SF3B3: variants seen among roughly 807,000 people sequenced by gnomAD.
SF3B3 encodes splicing factor 3b subunit 3, also known as SAP 130.
SF3B3 carries 33 observed loss-of-function variants against 139.2 expected under a neutral mutation model. The ratio of observed to expected loss-of-function variants is 0.24; its 90% CI spans 0.18 to 0.32. SF3B3 has a LOEUF of 0.32. Among genes scored for constraint, SF3B3 ranks in the 10% least tolerant of loss-of-function variants. The pLI is 1.00. For missense variants in SF3B3, 818 were observed against 1,509.4 expected, an observed-to-expected ratio of 0.54 and a Z score of 7.59; for synonymous variants, 596 against 563.6, an observed-to-expected ratio of 1.06 and a Z score of -0.81.
At chr16:70,532,427 A>C in intron 4 of SF3B3, 52 bp from the exon 5 acceptor site, 1 of 1,567,358 alleles carries the variant, frequency 6.4e-7, no homozygotes, top group Non-Finnish European at 8.7e-7. Flanking sequence ...TGTCCTTTCC[A>C]GATCTTCGAT....
intron 3 of SF3B3, among the ~76,000 whole-genome samples, chr16:70,530,421 G>T (rs1281695193): frequency 6.6e-6 from 1 of 151,110 alleles, no homozygotes; most frequent in African/African-American, 2.4e-5. Context: ...TCAGGTTCAA[G>T]CAATTCTCCT....
chr16:70,540,479 A>G (rs1325674906), intron 8 of SF3B3, among the ~76,000 whole-genome samples: 1 of 151,930 alleles, frequency 6.6e-6, no homozygotes, highest in Non-Finnish European at 1.5e-5. Flanking sequence ...TGCATCCTCG[A>G]CCTCCCAGGC....
Position 70,528,909 on chromosome 16 carries a change from A to G in SF3B3, c.107A>G (p.Lys36Arg). 1 of 1,612,434 alleles carries G rather than the reference A, an allele frequency of 6.2e-7. No homozygotes were observed. ...KQQEIVVSRGKILELLRPDPN... is the reference protein window; with the variant it reads ...KQQEIVVSRGRILELLRPDPN... ...CAAGAAATTGTTGTTTCCCGTGGGA[A>G]GATCTTGGAGCTGCTTCGCCCAGAC... The change falls in exon 3 of 26, where the codon AAG (lysine) becomes AGG (arginine). Residue 36 changes from lysine to arginine, a missense_variant. By Grantham distance (26) the Lys-to-Arg change is conservative. Coordinates refer to ENST00000302516, the MANE Select transcript of SF3B3 (RefSeq NM_012426.5).
chr16:70,526,125 C>T (rs2050061283), intron 1 of SF3B3, among the ~76,000 whole-genome samples: 1 of 152,028 alleles, frequency 6.6e-6, no homozygotes, highest in Non-Finnish European at 1.5e-5. Flanking sequence ...ATAATTCTCT[C>T]TTCTCGTTTA....
At position 70,560,605 on chromosome 16, in the gene SF3B3, G is replaced by T; in HGVS notation, c.2133+14G>T. 6.2e-7 allele frequency: 1 copy of T among 1,612,358 alleles called. No homozygotes were observed. Among genetic ancestry groups the T allele is most frequent in the South Asian group, 1.1e-5 (1 of 91,012 alleles). On this transcript the variant is annotated intron_variant, in intron 16 of 25. Coordinates refer to ENST00000302516, the MANE Select transcript of SF3B3 (RefSeq NM_012426.5). ...GGCCAGGAGGCAGTAAGTAATGAAGGTTGGGGACAGGCAACATCTTTGGGA... is the reference window on the plus strand; with the variant it reads ...GGCCAGGAGGCAGTAAGTAATGAAGTTTGGGGACAGGCAACATCTTTGGGA...
intron 15 of SF3B3, among the ~76,000 whole-genome samples, chr16:70,558,203 AT>A (rs1261642871): frequency 6.6e-6 from 1 of 152,192 alleles, no homozygotes; most frequent in Non-Finnish European, 1.5e-5. Context: ...TCCATTAGAA[AT>A]GTAAGGTGAA....
chr16:70,555,773 AT>A (rs906201879), intron 13 of SF3B3, among the ~76,000 whole-genome samples: 3 of 152,166 alleles, frequency 2.0e-5, no homozygotes, highest in African/African-American at 7.2e-5. Context: ...GTGTGGCCAA[AT>A]TTGTAGCCTG....
At chr16:70,534,070 C>G (rs1387865479) in intron 5 of SF3B3, among the ~76,000 whole-genome samples, 1 of 152,070 alleles carries the variant, frequency 6.6e-6, no homozygotes, top group Non-Finnish European at 1.5e-5. Flanking sequence ...GTGCCAAATG[C>G]CATGACAGCA....
chr16:70,537,023 C>G (rs945446419), intron 6 of SF3B3, among the ~76,000 whole-genome samples: 2 of 150,838 alleles, frequency 1.3e-5, no homozygotes, highest in African/African-American at 4.9e-5. Context: ...ATTGGCCAGG[C>G]TGGTATCGAA....
chr16:70,538,245 C>T, intron 6 of SF3B3, 78 bp from the exon 7 acceptor site: 1 of 1,302,734 alleles, frequency 7.7e-7, no homozygotes, highest in Non-Finnish European at 1.1e-6. Flanking sequence ...ATTTGTAATC[C>T]CTATTGGTAA....
intron 9 of SF3B3, 41 bp downstream of exon 9, chr16:70,541,875 G>A: frequency 6.5e-7 from 1 of 1,541,896 alleles, no homozygotes; most frequent in Non-Finnish European, 8.9e-7. Context: ...TAGATCTAAA[G>A]TTAAACTGAG....
chr16:70,537,191 A>G (rs551358694), intron 6 of SF3B3, among the ~76,000 whole-genome samples: 13 of 152,208 alleles, frequency 8.5e-5, no homozygotes, highest in Non-Finnish European at 1.3e-4. Context: ...ATTACTACAT[A>G]GGGAGTGATG....
intron 6 of SF3B3, among the ~76,000 whole-genome samples, chr16:70,536,260 C>T (rs994805322): frequency 1.4e-4 from 22 of 152,050 alleles, no homozygotes; most frequent in African/African-American, 5.1e-4. Context: ...CTCTGCCCCC[C>T]GGGTTCAAGT....
chr16:70,574,640 A>C lies in SF3B3; in HGVS notation c.*2827A>C, dbSNP rs1472657941. On this transcript the variant is annotated 3_prime_UTR_variant, in exon 26 of 26. Transcript: ENST00000302516. ...TTCCCAAATAGCTGGAACTACAGGC[A>C]TGTGCCATCACGTCCAGCTAATTTT... The C allele has an allele frequency of 6.6e-6, 1 of 152,234 alleles. No homozygotes were observed. Among genetic ancestry groups the C allele is most frequent in the Non-Finnish European group, 1.5e-5 (1 of 68,074 alleles). The allele number at this position is 152,234 out of a possible 1,614,324, so 9.4% of individuals were successfully genotyped here. A position where few individuals can be genotyped will look rare whatever the true frequency, so the allele number is the denominator to read the frequency against.
chr16:70,566,139 C>A (rs2050474507), intron 20 of SF3B3, among the ~76,000 whole-genome samples: 1 of 150,860 alleles, frequency 6.6e-6, no homozygotes, highest in African/African-American at 2.4e-5. Context: ...ATTTAATATT[C>A]TTTTCCACCT....
At chr16:70,545,262 T>G (rs951422223) in intron 10 of SF3B3, among the ~76,000 whole-genome samples, 4 of 152,126 alleles carry the variant, frequency 2.6e-5, no homozygotes, top group African/African-American at 4.8e-5. Flanking sequence ...AGACAGAGTC[T>G]TATCATGTTT....
chr16:70,565,395 T>C lies in SF3B3; in HGVS notation c.2697T>C (p.Thr899=). The change falls in exon 20 of 26, where the codon ACT becomes ACC. Residue 899 remains threonine, a synonymous_variant. Coordinates refer to ENST00000302516, the MANE Select transcript of SF3B3 (RefSeq NM_012426.5). ...FSVAVCRFSN[T]GEDWYVLVGV... is the part of the protein sequence containing the mutation. ...TGGCTGTGTGCAGGTTTTCCAACACTGGTGAAGACTGGTATGTGCTGGTGG... is the reference window on the plus strand; with the variant it reads ...TGGCTGTGTGCAGGTTTTCCAACACCGGTGAAGACTGGTATGTGCTGGTGG... The C allele has an allele frequency of 6.2e-7, 1 of 1,614,190 alleles. No homozygotes were observed. Among genetic ancestry groups the C allele is most frequent in the Non-Finnish European group, 8.5e-7 (1 of 1,180,018 alleles).
chr16:70,524,281 T>A (rs1217968103), intron 1 of SF3B3, among the ~76,000 whole-genome samples: 2 of 152,134 alleles, frequency 1.3e-5, no homozygotes, highest in Non-Finnish European at 2.9e-5. Flanking sequence ...ATGGAGCGTG[T>A]TAAAAGCGTA....
In SF3B3 at chr16:70,539,206, C is replaced by G. The variant is rs1396350086; in HGVS notation, c.1066C>G (p.His356Asp). 6.2e-7 allele frequency: 1 copy of G among 1,604,302 alleles called. No homozygotes were observed. Among genetic ancestry groups the G allele is most frequent in the South Asian group, 1.1e-5 (1 of 90,856 alleles). The change falls in exon 8 of 26, where the codon CAT becomes GAT. Residue 356 changes from histidine to aspartate, a missense_variant and splice_region_variant. His to Asp is a moderately conservative substitution (Grantham distance 81). Coordinates refer to ENST00000302516, the MANE Select transcript of SF3B3 (RefSeq NM_012426.5). ...FLFVASEFGN[H>D]YLYQIAHLGD... ...TTTTGTAGCATCAGAATTTGGAAAC[C>G]AGTGAGTAATCCTTCTGTTACCCTA...
Sources: gnomAD v4.1 joint callset for allele counts (sites outside exome capture counted in the v4.1 genomes callset) on GRCh38, gnomAD v4.1.1 for gene constraint, MANE v1.5 for transcripts, NCBI Gene and HGNC (gene_info 2026-07-23, HGNC 2026-07-21) for gene names.